TTC1: variants seen among roughly 807,000 people sequenced by gnomAD.
TTC1 encodes tetratricopeptide repeat domain 1, also known as tetratricopeptide repeat protein 1.
TTC1 carries 31 observed loss-of-function variants against 37.6 expected under a neutral mutation model. That is an observed-to-expected ratio of 0.82 (90% confidence interval 0.62 to 1.11). TTC1 has a LOEUF of 1.11. Ranked by LOEUF, TTC1 falls within the 50% of genes most tolerant of loss-of-function variation. The probability of loss-of-function intolerance (pLI) is 0.00; values close to 1 mark genes in which losing one functional copy is unlikely to be tolerated. For missense variants in TTC1, 351 were observed against 339.0 expected, an observed-to-expected ratio of 1.04 and a Z score of -0.28; for synonymous variants, 127 against 122.4, an observed-to-expected ratio of 1.04 and a Z score of -0.25.
At chr5:160,051,038 G>C in intron 6 of TTC1, 91 bp from the exon 7 acceptor site, 1 of 994,540 alleles carries the variant, frequency 1.0e-6, no homozygotes, top group South Asian at 1.6e-5. Context: ...TTCCACATTA[G>C]GATTCTTGTG....
At chr5:160,064,850 C>T (rs1260615838) in intron 7 of TTC1, 82 bp from the exon 8 acceptor site, 3 of 1,409,218 alleles carry the variant, frequency 2.1e-6, no homozygotes, top group Admixed American at 2.2e-5. Flanking sequence ...ATTTTGTACT[C>T]AGTGGTAAGG....
chr5:160,041,825 T>C (rs1438146796), intron 4 of TTC1, among the ~76,000 whole-genome samples: 1 of 152,226 alleles, frequency 6.6e-6, no homozygotes, highest in Non-Finnish European at 1.5e-5. Flanking sequence ...CATGACTGTA[T>C]ACAATTCTGT....
intron 4 of TTC1, among the ~76,000 whole-genome samples, chr5:160,038,001 T>TTTG (rs777367299): frequency 6.6e-6 from 1 of 152,164 alleles, no homozygotes; most frequent in Non-Finnish European, 1.5e-5. Flanking sequence ...CAAGGTTTTT[T>TTTG]TTGTTGTTGT....
chr5:160,040,265 T>TAC (rs34348207), intron 4 of TTC1, among the ~76,000 whole-genome samples: 6,023 of 150,918 alleles, frequency 0.04, 172 homozygotes, highest in Non-Finnish European at 0.059. Flanking sequence ...CACATATGTA[T>TAC]ACACACACAC....
intron 2 of TTC1, among the ~76,000 whole-genome samples, chr5:160,021,453 T>C (rs775879558): frequency 2.0e-5 from 3 of 152,222 alleles, no homozygotes; most frequent in Non-Finnish European, 4.4e-5. Context: ...CATAGAAAAT[T>C]TATTTCTGTT....
chr5:160,028,580 C>T (rs776079514), intron 2 of TTC1, among the ~76,000 whole-genome samples: 19 of 152,138 alleles, frequency 1.2e-4, no homozygotes, highest in Non-Finnish European at 2.4e-4. Flanking sequence ...CTCAAGCGAT[C>T]CTCCCACCTC....
chr5:160,010,468 T>G (rs1382480557), intron 1 of TTC1, 32 bp from the exon 2 acceptor site: 3 of 1,426,208 alleles, frequency 2.1e-6, no homozygotes, highest in Non-Finnish European at 2.9e-6. Flanking sequence ...ACAAGCACCA[T>G]TATATAGCAG....
intron 6 of TTC1, among the ~76,000 whole-genome samples, chr5:160,050,403 C>T (rs1449026484): frequency 2.6e-5 from 4 of 151,978 alleles, no homozygotes; most frequent in Admixed American, 6.6e-5. Flanking sequence ...GCTGAGATTG[C>T]GCCACTGCAC....
In TTC1 at chr5:160,057,521, G is replaced by A. The variant is rs762862685; in HGVS notation, c.745+6338G>A. Among the ~76,000 whole-genome samples the A allele has an allele frequency of 5.3e-5, 8 of 152,164 alleles. No homozygotes were observed. The highest frequency in any genetic ancestry group is 1.5e-5 in the Non-Finnish European group (1 of 68,042). ...TGCTGCTGGAGGGCCTTGCCTCCAC[G>A]TGGATGGTTGCTGACTGATCAGGTT... is the stretch of plus-strand genomic sequence containing the variant. On this transcript the variant is annotated intron_variant, in intron 7 of 7. Transcript: ENST00000231238. This position sits in a 1 kb window ranked among gnomAD's most constrained non-coding sequence, Gnocchi z 4.4.
Position 160,059,979 on chromosome 5 carries a change from CA to C in TTC1, c.746-4951del, listed in dbSNP as rs1757656226. On this transcript the variant is annotated intron_variant, in intron 7 of 7. Coordinates refer to ENST00000231238, the MANE Select transcript of TTC1 (RefSeq NM_003314.3). The stretch of plus-strand genomic sequence containing the variant: ...TCTGTAAAGCACAAAAAGCACAGCA[CA>C]ACAAAATAAAGTCTGCCTGTATAAG... Among the ~76,000 whole-genome samples the C allele has an allele frequency of 2.0e-5, 3 of 152,302 alleles. No individual in the cohort carries two copies. In the South Asian group the frequency reaches 6.2e-4, roughly 32 times the overall value.
chr5:160,045,965 A>T (rs1757232677), intron 5 of TTC1, among the ~76,000 whole-genome samples: 1 of 151,226 alleles, frequency 6.6e-6, no homozygotes, highest in African/African-American at 2.4e-5. Context: ...CTGCTCTCGA[A>T]CTCCTGACCT....
At chr5:160,017,023 A>T (rs1756618052) in intron 2 of TTC1, among the ~76,000 whole-genome samples, 1 of 152,252 alleles carries the variant, frequency 6.6e-6, no homozygotes, top group Non-Finnish European at 1.5e-5. Flanking sequence ...TGTTTATTTC[A>T]GCAGTAAATC....
chr5:160,032,959 C>T (rs1312066081), intron 2 of TTC1, among the ~76,000 whole-genome samples: 2 of 151,682 alleles, frequency 1.3e-5, no homozygotes, highest in Non-Finnish European at 2.9e-5. Context: ...CTCTTGACCT[C>T]ATGATCTGCC....
At chr5:160,016,577 T>A (rs1231140353) in intron 2 of TTC1, among the ~76,000 whole-genome samples, 1 of 152,148 alleles carries the variant, frequency 6.6e-6, no homozygotes, top group Non-Finnish European at 1.5e-5. Context: ...TAAGTAACTT[T>A]GAGAGGTATG....
intron 4 of TTC1, among the ~76,000 whole-genome samples, chr5:160,040,295 G>C (rs1448993982): frequency 6.6e-6 from 1 of 152,060 alleles, no homozygotes; most frequent in South Asian, 2.1e-4. Flanking sequence ...CATATACCGT[G>C]TATGCCATGA....
chr5:160,022,508 A>G (rs1215341479), intron 2 of TTC1, among the ~76,000 whole-genome samples: 1 of 152,224 alleles, frequency 6.6e-6, no homozygotes. Context: ...TCTTAGCACA[A>G]TGTTTGGCAC....
At chr5:160,038,288 A>G (rs1757029832) in intron 4 of TTC1, among the ~76,000 whole-genome samples, 1 of 152,226 alleles carries the variant, frequency 6.6e-6, no homozygotes, top group Admixed American at 6.5e-5. Context: ...ATTAACATCT[A>G]ACAGTTTTTA....
intron 4 of TTC1, among the ~76,000 whole-genome samples, chr5:160,038,756 G>A (rs1230123979): frequency 2.8e-5 from 4 of 142,628 alleles, no homozygotes; most frequent in Admixed American, 7.6e-5. Flanking sequence ...TCCGCCTCCC[G>A]TGTTCAAGCG....
At chr5:160,009,870 T>C (rs1756464946) in intron 1 of TTC1, among the ~76,000 whole-genome samples, 1 of 152,138 alleles carries the variant, frequency 6.6e-6, no homozygotes, top group South Asian at 2.1e-4. Context: ...TGGCACGGAT[T>C]TTATTTTGAA....
Sources: gnomAD v4.1 joint callset for allele counts (sites outside exome capture counted in the v4.1 genomes callset) on GRCh38, gnomAD v4.1.1 for gene constraint, Gnocchi (gnomAD v3.1) non-coding constraint, MANE v1.5 for transcripts, NCBI Gene and HGNC (gene_info 2026-07-23, HGNC 2026-07-21) for gene names.